Variants in COL26A1 observed in about 807,000 individuals in gnomAD.
COL26A1 encodes the protein collagen alpha-1(XXVI) chain.
Under a neutral mutation model 59.3 loss-of-function variants are expected in COL26A1, and 41 were observed. That is an observed-to-expected ratio of 0.69 (90% confidence interval 0.54 to 0.90). COL26A1 has a LOEUF of 0.90. COL26A1 is among the 40% of genes least tolerant of loss of function. The pLI is 0.00. For missense variants in COL26A1, 612 were observed against 602.3 expected, an observed-to-expected ratio of 1.02 and a Z score of -0.17; for synonymous variants, 266 against 256.0, an observed-to-expected ratio of 1.04 and a Z score of -0.37.
At chr7:101,423,743 A>AT (rs1584395391) in intron 2 of COL26A1, among the ~76,000 whole-genome samples, 1 of 151,120 alleles carries the variant, frequency 6.6e-6, no homozygotes, top group East Asian at 2.0e-4. Flanking sequence ...GCAAAAAAAA[A>AT]GAAGGACCGG....
chr7:101,528,635 C>A lies in COL26A1; in HGVS notation c.386-4447C>A, dbSNP rs1203742277. ...CCAACATGGCTCACTGCAGCCTCAA[C>A]CTTCTGGACTCAGGTGATCCTCCTG... is the stretch of plus-strand genomic sequence containing the variant. On this transcript the variant is annotated intron_variant, in intron 3 of 12. Transcript: ENST00000313669. 2.0e-5 allele frequency among the ~76,000 whole-genome samples: 3 copies of A among 152,026 alleles called. No homozygotes were observed. The South Asian group carries it at 6.2e-4, about 32-fold the overall frequency.
intron 3 of COL26A1, among the ~76,000 whole-genome samples, chr7:101,523,499 A>AT (rs913143120): frequency 8.5e-5 from 13 of 152,082 alleles, no homozygotes; most frequent in Admixed American, 7.2e-4. Context: ...CAAATGCTGT[A>AT]TTTTTTTACC....
At chr7:101,396,866 A>T (rs1423647374) in intron 1 of COL26A1, among the ~76,000 whole-genome samples, 1 of 152,146 alleles carries the variant, frequency 6.6e-6, no homozygotes, top group Non-Finnish European at 1.5e-5. Flanking sequence ...CTAGAGCAAG[A>T]CCCAGTGGAG....
In COL26A1 at chr7:101,507,205, G is replaced by A. The variant is rs549934224; in HGVS notation, c.386-25877G>A. On this transcript the variant is annotated intron_variant, in intron 3 of 12. Coordinates refer to ENST00000313669, the MANE Select transcript of COL26A1 (RefSeq NM_001278563.3). ...ACTGGGATTACAGATGTGAGCCACC[G>A]CGCCCGGCTTTGCCTAGAACCACTT... Among the ~76,000 whole-genome samples, 439 of 152,124 alleles carry A rather than the reference G, an allele frequency of 2.9e-3. 1 individual carries two copies. Among genetic ancestry groups the A allele is most frequent in the Middle Eastern group, 0.01 (3 of 294 alleles).
intron 3 of COL26A1, among the ~76,000 whole-genome samples, chr7:101,517,466 C>T (rs1795050829): frequency 6.6e-6 from 1 of 152,184 alleles, no homozygotes; most frequent in Non-Finnish European, 1.5e-5. Flanking sequence ...TTGCCTTCCG[C>T]CATGATTGTG....
At chr7:101,419,102 TC>T (rs1792449197) in intron 1 of COL26A1, among the ~76,000 whole-genome samples, 1 of 28,876 alleles carries the variant, frequency 3.5e-5, no homozygotes, top group Admixed American at 3.9e-4. Context: ...TCCCCTCCCC[TC>T]CCCTCCCCTC....
At chr7:101,553,209 C>T in intron 10 of COL26A1, 117 bp from the exon 11 acceptor site, 1 of 914,834 alleles carries the variant, frequency 1.1e-6, no homozygotes, top group Non-Finnish European at 1.7e-6. Context: ...CACCCGTTTC[C>T]CAGGCCCTGC....
At chr7:101,533,975 G>A (rs80246742) in intron 4 of COL26A1, among the ~76,000 whole-genome samples, 17,331 of 152,246 alleles carry the variant, frequency 0.11, 1,205 homozygotes, top group Middle Eastern at 0.22. Flanking sequence ...CGTGTGGGGC[G>A]CCAACAGTGT....
intron 3 of COL26A1, among the ~76,000 whole-genome samples, chr7:101,483,485 T>G (rs1416805324): frequency 1.3e-5 from 2 of 151,542 alleles, no homozygotes; most frequent in Non-Finnish European, 2.9e-5. Flanking sequence ...CATGAGCCAC[T>G]GTGCCCAGCC....
chr7:101,455,304 A>T (rs1219951951), intron 3 of COL26A1, among the ~76,000 whole-genome samples: 1 of 151,984 alleles, frequency 6.6e-6, no homozygotes, highest in Non-Finnish European at 1.5e-5. Context: ...TAGACCTCCC[A>T]AAGTGCTGGG....
intron 1 of COL26A1, among the ~76,000 whole-genome samples, chr7:101,379,335 G>A (rs764980367): frequency 5.3e-5 from 8 of 152,158 alleles, no homozygotes; most frequent in Non-Finnish European, 8.8e-5. Context: ...GTCTACCAGG[G>A]CAGGAGTGGA....
At chr7:101,516,547 A>G (rs780288233) in intron 3 of COL26A1, among the ~76,000 whole-genome samples, 1 of 152,136 alleles carries the variant, frequency 6.6e-6, no homozygotes, top group Non-Finnish European at 1.5e-5. Context: ...CTGTGATTAT[A>G]GGCATAAGCT....
chr7:101,501,217 G>GAAAAAAAAAA (rs111556828), intron 3 of COL26A1, among the ~76,000 whole-genome samples: 32 of 112,914 alleles, frequency 2.8e-4, no homozygotes, highest in East Asian at 1.2e-3. Context: ...GAAAAGAAAA[G>GAAAAAAAAAA]AAAAAAAAAA....
chr7:101,398,002 A>G (rs1397720809), intron 1 of COL26A1, among the ~76,000 whole-genome samples: 2 of 152,164 alleles, frequency 1.3e-5, no homozygotes, highest in African/African-American at 4.8e-5. Context: ...TTTCATCACC[A>G]TAGAATAGCT....
At chr7:101,520,936 T>A (rs970694448) in intron 3 of COL26A1, among the ~76,000 whole-genome samples, 1 of 152,134 alleles carries the variant, frequency 6.6e-6, no homozygotes, top group Non-Finnish European at 1.5e-5. Context: ...ACTTCTGTTC[T>A]TTATAAATTA....
chr7:101,378,265 A>T (rs980025548), intron 1 of COL26A1, among the ~76,000 whole-genome samples: 1 of 152,146 alleles, frequency 6.6e-6, no homozygotes, highest in Non-Finnish European at 1.5e-5. Flanking sequence ...CTGTAATCCC[A>T]GCTACTTGGT....
chr7:101,486,587 A>G (rs1312549334), intron 3 of COL26A1, among the ~76,000 whole-genome samples: 7 of 152,254 alleles, frequency 4.6e-5, no homozygotes, highest in Non-Finnish European at 1.0e-4. Context: ...TCCTGCCTGC[A>G]AAGGCCATGC....
chr7:101,483,941 TG>T (rs1483657756), intron 3 of COL26A1, among the ~76,000 whole-genome samples: 1 of 151,410 alleles, frequency 6.6e-6, no homozygotes, highest in Non-Finnish European at 1.5e-5. Context: ...CCCAAAGTGC[TG>T]GGATTACAGG....
At chr7:101,530,938 T>G (rs1795353470) in intron 3 of COL26A1, among the ~76,000 whole-genome samples, 1 of 152,008 alleles carries the variant, frequency 6.6e-6, no homozygotes, top group Admixed American at 6.6e-5. Context: ...ATTTTATACC[T>G]TTTTTATTTC....
Sources: gnomAD v4.1 joint callset for allele counts (sites outside exome capture counted in the v4.1 genomes callset) on GRCh38, gnomAD v4.1.1 for gene constraint, MANE v1.5 for transcripts, NCBI Gene and HGNC (gene_info 2026-07-23, HGNC 2026-07-21) for gene names.